The following CACNG5 variants were observed in gnomAD, a reference collection of about 807,000 sequenced individuals.
The protein encoded by CACNG5 is calcium voltage-gated channel auxiliary subunit gamma 5.
In CACNG5, 18 loss-of-function variants were observed where a neutral mutation model predicts 24.8. The ratio of observed to expected loss-of-function variants is 0.73; its 90% confidence interval spans 0.50 to 1.08. The LOEUF is 1.08. Among genes scored for constraint, CACNG5 ranks in the 50% least tolerant of loss-of-function variants. The probability of loss-of-function intolerance (pLI) is 0.00; values close to 1 mark genes in which losing one functional copy is unlikely to be tolerated. For synonymous variants in CACNG5, 157 were observed against 149.1 expected (o/e 1.05, Z -0.39); for missense variants, 349 against 367.9 (o/e 0.95, Z 0.42).
rs187358906 is a variant in CACNG5 at position 66,865,115 on chromosome 17, A to T, written c.-103-12115A>T. 1.2e-4 allele frequency among the ~76,000 whole-genome samples: 19 copies of T among 152,300 alleles called. No homozygotes were observed. The East Asian group carries it at 3.7e-3, about 29-fold the overall frequency. ...ATGTAGCACCGGCATATAACTTATT[A>T]AGTTTATTTCCAATAGTTTACCATT... On this transcript the variant is annotated intron_variant, in intron 1 of 5. Coordinates refer to ENST00000533854, the MANE Select transcript of CACNG5 (RefSeq NM_145811.3).
chr17:66,858,096 C>T (rs935775102), intron 1 of CACNG5, among the ~76,000 whole-genome samples: 3 of 152,208 alleles, frequency 2.0e-5, no homozygotes, highest in Non-Finnish European at 4.4e-5. Flanking sequence ...AGACACTTTC[C>T]TCTCTAGCAG....
chr17:66,853,699 C>A (rs1976736274), intron 1 of CACNG5, among the ~76,000 whole-genome samples: 1 of 152,002 alleles, frequency 6.6e-6, no homozygotes, highest in African/African-American at 2.4e-5. Context: ...TTGAAATAAG[C>A]ACATTATTTC....
intron 1 of CACNG5, among the ~76,000 whole-genome samples, chr17:66,842,186 G>A (rs1976578958): frequency 6.6e-6 from 1 of 152,110 alleles, no homozygotes; most frequent in Non-Finnish European, 1.5e-5. Flanking sequence ...CCACGGTGGG[G>A]GAGTGGCTTA....
At chr17:66,881,575 C>G (rs189416502) in intron 4 of CACNG5, among the ~76,000 whole-genome samples, 2 of 152,246 alleles carry the variant, frequency 1.3e-5, no homozygotes, top group Admixed American at 1.3e-4. Flanking sequence ...ATCTTCCAGG[C>G]CTTATTCTGG....
In CACNG5 at chr17:66,867,045, A is replaced by G. The variant is rs374330215; in HGVS notation, c.-103-10185A>G. Among the ~76,000 whole-genome samples, 24 of 152,346 alleles carry G rather than the reference A, an allele frequency of 1.6e-4. No individual in the cohort carries two copies. In the East Asian group the frequency reaches 3.7e-3, roughly 23 times the overall value. On this transcript the variant is annotated intron_variant, in intron 1 of 5. Transcript: ENST00000533854. ...TTCTAGATCCTTGAGGAATATCCAT[A>G]CTGTCTTCCAAAATGGTTGAACTAA...
chr17:66,845,946 T>C (rs1416533708), intron 1 of CACNG5, among the ~76,000 whole-genome samples: 2 of 152,226 alleles, frequency 1.3e-5, no homozygotes, highest in South Asian at 2.1e-4. Flanking sequence ...GGACCTGACC[T>C]CCTGCCTCTT....
At chr17:66,836,702 C>T (rs1207704800) in intron 1 of CACNG5, among the ~76,000 whole-genome samples, 2 of 152,222 alleles carry the variant, frequency 1.3e-5, no homozygotes, top group Non-Finnish European at 2.9e-5. Context: ...TCCCCACCCC[C>T]AAACCTCCTC....
intron 1 of CACNG5, among the ~76,000 whole-genome samples, chr17:66,866,123 GT>G (rs1976926495): frequency 6.6e-6 from 1 of 152,148 alleles, no homozygotes; most frequent in African/African-American, 2.4e-5. Flanking sequence ...AAACCTGGAT[GT>G]TCTAGAGTAG....
intron 1 of CACNG5, among the ~76,000 whole-genome samples, chr17:66,838,035 T>C (rs920916796): frequency 1.3e-5 from 2 of 152,060 alleles, no homozygotes; most frequent in East Asian, 3.9e-4. Flanking sequence ...TCGTTTCTTT[T>C]CATGCTGCTC....
chr17:66,865,099 C>T (rs117118374), intron 1 of CACNG5, among the ~76,000 whole-genome samples: 1,815 of 152,156 alleles, frequency 0.012, 17 homozygotes, highest in Non-Finnish European at 0.018. Context: ...TATGTAGCAC[C>T]GGCATATAAC....
Position 66,892,651 on chromosome 17 carries a change from C to T in CACNG5, c.*7411C>T, listed in dbSNP as rs908558403. On this transcript the variant is annotated 3_prime_UTR_variant, in exon 6 of 6. Transcript: ENST00000533854. ...GGGCCAATTTTTACTTTAAATCCACCCACACTCATACACCTCCCACCCTAT... is the reference window on the plus strand; with the variant it reads ...GGGCCAATTTTTACTTTAAATCCACTCACACTCATACACCTCCCACCCTAT... Among the ~76,000 whole-genome samples the T allele has an allele frequency of 1.3e-5, 2 of 152,228 alleles. No individual in the cohort carries two copies. The highest frequency in any genetic ancestry group is 6.5e-5 in the Admixed American group (1 of 15,280).
chr17:66,848,771 G>A (rs534854113), intron 1 of CACNG5, among the ~76,000 whole-genome samples: 4 of 152,228 alleles, frequency 2.6e-5, no homozygotes, highest in South Asian at 2.1e-4. Context: ...AGACCCCAGC[G>A]CTGGATGCAA....
intron 4 of CACNG5, among the ~76,000 whole-genome samples, chr17:66,884,156 A>G (rs989433859): frequency 1.3e-5 from 2 of 149,466 alleles, no homozygotes; most frequent in Admixed American, 1.3e-4. Context: ...AAAAAAAAAA[A>G]GAAGAAAATA....
rs201227935 is a variant in CACNG5 at position 66,885,531 on chromosome 17, C to CA, written c.*291_*292insA. 127 of 430,396 alleles carry CA rather than the reference C, an allele frequency of 3.0e-4. 1 individual carries two copies. The highest frequency in any genetic ancestry group is 2.4e-3 in the Middle Eastern group (4 of 1,682). 26.7% of individuals were successfully genotyped at this position (430,396 alleles called of 1,614,324 possible). A position where few individuals can be genotyped will look rare whatever the true frequency, so the allele number is the denominator to read the frequency against. ...GGCTCCAGGAAGCCAGCAGCTCCCCCCAAGCCCAGGAGACACCGATGTTCC... is the reference window on the plus strand; with the variant it reads ...GGCTCCAGGAAGCCAGCAGCTCCCCCACAAGCCCAGGAGACACCGATGTTCC... On this transcript the variant is annotated 3_prime_UTR_variant, in exon 6 of 6. Transcript: ENST00000533854.
intron 1 of CACNG5, among the ~76,000 whole-genome samples, chr17:66,859,930 A>G (rs565589457): frequency 6.6e-6 from 1 of 151,986 alleles, no homozygotes; most frequent in Non-Finnish European, 1.5e-5. Context: ...TGTAAGGAAA[A>G]TGCTGGGTTC....
rs1467477951 is a variant in CACNG5, at chr17:66,877,315, C to T, written c.-18C>T. 7 of 1,608,254 alleles carry T rather than the reference C, an allele frequency of 4.4e-6. No homozygotes were observed. Among genetic ancestry groups the T allele is most frequent in the African/African-American group, 1.3e-5 (1 of 74,960 alleles). ...GGTGGGAGCGTGGCGACTAGTTGCA[C>T]AGCAACGGTCCAGGAAGATGAGTGC... On this transcript the variant is annotated 5_prime_UTR_variant, in exon 2 of 6. Coordinates refer to ENST00000533854, the MANE Select transcript of CACNG5 (RefSeq NM_145811.3).
At chr17:66,859,631 A>T (rs1976828748) in intron 1 of CACNG5, among the ~76,000 whole-genome samples, 1 of 152,128 alleles carries the variant, frequency 6.6e-6, no homozygotes, top group African/African-American at 2.4e-5. Context: ...GAGCTTTGCT[A>T]AAGCCAGATT....
At chr17:66,842,290 C>G (rs549067511) in intron 1 of CACNG5, among the ~76,000 whole-genome samples, 1 of 152,226 alleles carries the variant, frequency 6.6e-6, no homozygotes, top group Admixed American at 6.5e-5. Flanking sequence ...GCCCCAGGAC[C>G]TTAACCAAGT....
chr17:66,861,404 T>C (rs1184314965), intron 1 of CACNG5, among the ~76,000 whole-genome samples: 1 of 152,230 alleles, frequency 6.6e-6, no homozygotes, highest in African/African-American at 2.4e-5. Context: ...GATGCCATTG[T>C]TATCCCTGTT....
Sources: gnomAD v4.1 joint callset for allele counts (sites outside exome capture counted in the v4.1 genomes callset) on GRCh38, gnomAD v4.1.1 for gene constraint, MANE v1.5 for transcripts, NCBI Gene and HGNC (gene_info 2026-07-23, HGNC 2026-07-21) for gene names.